ADAMTSL3: variants seen among roughly 807,000 people sequenced by gnomAD.
The protein encoded by ADAMTSL3 is ADAMTS like 3, also known as ADAMTS-like protein 3.
ADAMTSL3 carries 128 observed loss-of-function variants against 201.7 expected under a neutral mutation model. The ratio of observed to expected loss-of-function variants is 0.63; its 90% CI spans 0.55 to 0.73. The LOEUF (loss-of-function observed/expected upper bound fraction) is 0.73, where lower values mean the gene tolerates loss of function less well. ADAMTSL3 is among the 30% of genes least tolerant of loss of function. The pLI, the probability that ADAMTSL3 is intolerant of heterozygous loss-of-function variation, is 0.00. For missense variants in ADAMTSL3, 1,990 were observed against 2,119.6 expected, an observed-to-expected ratio of 0.94 and a Z score of 1.20; for synonymous variants, 738 against 748.4, an observed-to-expected ratio of 0.99 and a Z score of 0.23.
Position 83,950,882 on chromosome 15 carries a change from G to A in ADAMTSL3, c.2490+7800G>A, listed in dbSNP as rs2066744046. 3.3e-5 allele frequency among the ~76,000 whole-genome samples: 5 copies of A among 152,006 alleles called. No individual in the cohort carries two copies. In the South Asian group the frequency reaches 1.0e-3, roughly 31 times the overall value. ...GCAACTTTACTGAATTTGTTTATCA[G>A]TTCTAATAGTTTTTTGGTGGAGTCT... On this transcript the variant is annotated intron_variant, in intron 19 of 29. Transcript: ENST00000286744.
intron 4 of ADAMTSL3, among the ~76,000 whole-genome samples, chr15:83,801,647 T>TATAAATAA (rs1240333381): frequency 1.4e-4 from 4 of 28,146 alleles, no homozygotes; most frequent in African/African-American, 3.3e-4. Context: ...AATATATAAA[T>TATAAATAA]ATAAATATAT....
intron 3 of ADAMTSL3, among the ~76,000 whole-genome samples, chr15:83,741,999 T>G (rs566162600): frequency 1.3e-5 from 2 of 152,228 alleles, no homozygotes; most frequent in Non-Finnish European, 2.9e-5. Context: ...CTATAATAAA[T>G]GTATATCGAA....
chr15:83,938,007 G>A (rs1370736351), intron 17 of ADAMTSL3, among the ~76,000 whole-genome samples: 1 of 150,866 alleles, frequency 6.6e-6, no homozygotes, highest in Non-Finnish European at 1.5e-5. Context: ...GTCTGGTTAG[G>A]TATTTCTGGA....
intron 3 of ADAMTSL3, among the ~76,000 whole-genome samples, chr15:83,766,076 T>C (rs62025764): frequency 0.17 from 25,621 of 152,008 alleles, 2,458 homozygotes; most frequent in Middle Eastern, 0.32. Context: ...ATGAGGTGCT[T>C]CCAGCTTCCA....
intron 7 of ADAMTSL3, among the ~76,000 whole-genome samples, chr15:83,853,154 C>T (rs976428426): frequency 2.6e-5 from 4 of 152,132 alleles, no homozygotes; most frequent in African/African-American, 7.2e-5. Context: ...CATGCGCAGC[C>T]GGTTGTGCCC....
chr15:83,911,072 AAG>A (rs1260465814), intron 15 of ADAMTSL3, among the ~76,000 whole-genome samples: 1 of 152,174 alleles, frequency 6.6e-6, no homozygotes, highest in Non-Finnish European at 1.5e-5. Flanking sequence ...CCAAGGAGAA[AAG>A]AGAGAAAAAA....
chr15:83,996,789 A>G (rs1384617938), intron 23 of ADAMTSL3, among the ~76,000 whole-genome samples: 10 of 150,544 alleles, frequency 6.6e-5, no homozygotes, highest in Non-Finnish European at 1.2e-4. Flanking sequence ...TCAAAAAAAA[A>G]AAAAAAAAAA....
intron 25 of ADAMTSL3, among the ~76,000 whole-genome samples, chr15:84,020,924 C>T (rs755831402): frequency 1.3e-5 from 2 of 152,216 alleles, no homozygotes; most frequent in African/African-American, 2.4e-5. Flanking sequence ...AAAATAAGAA[C>T]AGAACTCAAA....
chr15:83,699,083 A>C (rs1460226068), intron 2 of ADAMTSL3, among the ~76,000 whole-genome samples: 1 of 152,070 alleles, frequency 6.6e-6, no homozygotes, highest in Non-Finnish European at 1.5e-5. Context: ...CTTTTCTGGT[A>C]TAATGGTTGT....
chr15:83,894,033 A>G (rs2065562849), intron 13 of ADAMTSL3, among the ~76,000 whole-genome samples: 1 of 152,166 alleles, frequency 6.6e-6, no homozygotes, highest in Non-Finnish European at 1.5e-5. Context: ...AAAGCTTAGA[A>G]TCTAGTTGCA....
chr15:83,798,827 A>G (rs1170325188), intron 4 of ADAMTSL3, among the ~76,000 whole-genome samples: 3 of 151,072 alleles, frequency 2.0e-5, no homozygotes, highest in Non-Finnish European at 3.0e-5. Flanking sequence ...AAAAAAAACA[A>G]AAAAAAAGGA....
chr15:84,025,511 C>T, intron 27 of ADAMTSL3, 75 bp downstream of exon 27: 1 of 1,418,932 alleles, frequency 7.0e-7, no homozygotes, highest in South Asian at 1.4e-5. Flanking sequence ...CACCTTGTTT[C>T]CAATAAACTA....
chr15:83,965,534 C>G (rs2067066060), intron 19 of ADAMTSL3, among the ~76,000 whole-genome samples: 1 of 152,112 alleles, frequency 6.6e-6, no homozygotes, highest in African/African-American at 2.4e-5. Context: ...ATTCATAAAG[C>G]AAGTTCTTAG....
chr15:83,684,415 A>C (rs2061511406), intron 2 of ADAMTSL3, among the ~76,000 whole-genome samples: 1 of 152,070 alleles, frequency 6.6e-6, no homozygotes, highest in African/African-American at 2.4e-5. Flanking sequence ...TGTACTTTTA[A>C]AACTTTATAT....
intron 15 of ADAMTSL3, among the ~76,000 whole-genome samples, chr15:83,912,079 A>G (rs1231967557): frequency 6.6e-6 from 1 of 152,226 alleles, no homozygotes; most frequent in African/African-American, 2.4e-5. Context: ...TCTATCACTT[A>G]TTAATATCTC....
At chr15:83,997,644 C>T (rs1455274862) in intron 23 of ADAMTSL3, among the ~76,000 whole-genome samples, 2 of 152,066 alleles carry the variant, frequency 1.3e-5, no homozygotes, top group Non-Finnish European at 2.9e-5. Context: ...ATATTAATGT[C>T]CATTAATTTT....
At chr15:83,935,410 C>A (rs1295408803) in intron 17 of ADAMTSL3, among the ~76,000 whole-genome samples, 1 of 151,790 alleles carries the variant, frequency 6.6e-6, no homozygotes, top group Non-Finnish European at 1.5e-5. Context: ...GTGCCTTATA[C>A]TGTGAAAAAT....
chr15:83,976,782 G>A (rs938361853), intron 20 of ADAMTSL3, among the ~76,000 whole-genome samples: 1 of 152,148 alleles, frequency 6.6e-6, no homozygotes, highest in Admixed American at 6.5e-5. Context: ...ATGAAGCTTC[G>A]CTCACTGGCC....
chr15:83,723,531 C>T (rs987018465), intron 3 of ADAMTSL3, among the ~76,000 whole-genome samples: 4 of 152,110 alleles, frequency 2.6e-5, no homozygotes, highest in African/African-American at 7.2e-5. Context: ...TACTTGACAA[C>T]CAGAAACAAT....
Sources: gnomAD v4.1 joint callset for allele counts (sites outside exome capture counted in the v4.1 genomes callset) on GRCh38, gnomAD v4.1.1 for gene constraint, MANE v1.5 for transcripts, NCBI Gene and HGNC (gene_info 2026-07-23, HGNC 2026-07-21) for gene names.